TPRG1: variants seen among roughly 807,000 people sequenced by gnomAD.
TPRG1 encodes the protein tumor protein p63-regulated gene 1 protein.
TPRG1 carries 29 observed loss-of-function variants against 29.3 expected under a neutral mutation model. The observed-to-expected ratio is 0.99, with a 90% CI of 0.74 to 1.35. The LOEUF (loss-of-function observed/expected upper bound fraction) is 1.35. TPRG1 is among the 40% of genes most tolerant of loss of function. The pLI is 0.00. For missense variants in TPRG1, 327 were observed against 335.0 expected, an observed-to-expected ratio of 0.98 and a Z score of 0.19; for synonymous variants, 130 against 116.8, an observed-to-expected ratio of 1.11 and a Z score of -0.73.
At chr3:189,021,721 C>T (rs1311700560) in intron 3 of TPRG1, among the ~76,000 whole-genome samples, 1 of 152,064 alleles carries the variant, frequency 6.6e-6, no homozygotes, top group African/African-American at 2.4e-5. Context: ...TGGAGTTGCT[C>T]TTCTCGAGGA....
chr3:189,237,951 C>T (rs944111811), intron 3 of TPRG1, among the ~76,000 whole-genome samples: 9 of 152,140 alleles, frequency 5.9e-5, no homozygotes, highest in African/African-American at 2.2e-4. Flanking sequence ...TGCTGTCGGT[C>T]TGGGGAATTA....
At chr3:189,211,752 C>G (rs964274732) in intron 2 of TPRG1, 1 of 152,180 alleles carries the variant, frequency 6.6e-6, no homozygotes, top group African/African-American at 2.4e-5. Flanking sequence ...CTGGGCCACG[C>G]AAGAACTAGA....
At chr3:189,040,811 A>G (rs1714585349) in intron 4 of TPRG1, among the ~76,000 whole-genome samples, 1 of 152,072 alleles carries the variant, frequency 6.6e-6, no homozygotes, top group South Asian at 2.1e-4. Context: ...GTCCCTAGGG[A>G]CTGAGCCACG....
intron 4 of TPRG1, among the ~76,000 whole-genome samples, chr3:189,286,310 A>G (rs960272686): frequency 1.3e-5 from 2 of 151,894 alleles, no homozygotes; most frequent in Non-Finnish European, 2.9e-5. Context: ...TATTTTTTTT[A>G]TATCATATCC....
At chr3:189,209,509 A>G (rs1734931270) in intron 2 of TPRG1, among the ~76,000 whole-genome samples, 1 of 152,160 alleles carries the variant, frequency 6.6e-6, no homozygotes, top group Non-Finnish European at 1.5e-5. Context: ...GCAAACTCAC[A>G]TCCTTTATCT....
intron 1 of TPRG1, among the ~76,000 whole-genome samples, chr3:189,176,603 T>C (rs1051731757): frequency 6.6e-6 from 1 of 152,230 alleles, no homozygotes; most frequent in Non-Finnish European, 1.5e-5. Context: ...AGCTAGATTT[T>C]GGACAGGGTG....
intron 5 of TPRG1, among the ~76,000 whole-genome samples, chr3:189,164,296 G>A (rs1727869554): frequency 6.6e-6 from 1 of 152,070 alleles, no homozygotes; most frequent in Admixed American, 6.5e-5. Flanking sequence ...CTGAGCAGCT[G>A]GGACTACAGG....
chr3:189,298,088 C>A (rs1056138525), intron 4 of TPRG1, among the ~76,000 whole-genome samples: 2 of 152,150 alleles, frequency 1.3e-5, no homozygotes, highest in African/African-American at 4.8e-5. Context: ...GAAGATAAAT[C>A]AAAAACTTCA....
intron 2 of TPRG1, among the ~76,000 whole-genome samples, chr3:189,131,561 A>G (rs1578464411): frequency 6.6e-6 from 1 of 152,142 alleles, no homozygotes; most frequent in South Asian, 2.1e-4. Flanking sequence ...TTCTGATCAT[A>G]TTTTCTCATT....
At chr3:189,074,304 C>T (rs1048381029) in intron 4 of TPRG1, among the ~76,000 whole-genome samples, 6 of 144,684 alleles carry the variant, frequency 4.1e-5, no homozygotes, top group Non-Finnish European at 8.9e-5. Flanking sequence ...CTCCAGGTTT[C>T]GCGCCATTTT....
intron 4 of TPRG1, among the ~76,000 whole-genome samples, chr3:189,031,786 G>A (rs1026821730): frequency 6.6e-6 from 1 of 152,148 alleles, no homozygotes; most frequent in Non-Finnish European, 1.5e-5. Context: ...GGCAAACAGT[G>A]CATGTAACAT....
At chr3:189,273,328 T>C (rs1576921251) in intron 4 of TPRG1, among the ~76,000 whole-genome samples, 3 of 152,312 alleles carry the variant, frequency 2.0e-5, no homozygotes, top group Admixed American at 2.0e-4. Flanking sequence ...CAAGTGCTGC[T>C]GGAGTTAAAC....
At chr3:189,097,256 C>T (rs1352810781), upstream of TPRG1, among the ~76,000 whole-genome samples, 1 of 152,174 alleles carries the variant, frequency 6.6e-6, no homozygotes, top group East Asian at 1.9e-4. Flanking sequence ...CCTTTTCCAA[C>T]ATTCTAATTT....
At chr3:189,244,332 T>C (rs906237028) in intron 4 of TPRG1, among the ~76,000 whole-genome samples, 1 of 151,958 alleles carries the variant, frequency 6.6e-6, no homozygotes, top group African/African-American at 2.4e-5. Context: ...GACAGGAGAA[T>C]TGCTTGAACC....
chr3:189,128,330 C>T (rs7646244), intron 2 of TPRG1, among the ~76,000 whole-genome samples: 65,652 of 151,856 alleles, frequency 0.43, 19,169 homozygotes, highest in African/African-American at 0.82. Context: ...GAAGAAGACA[C>T]CTTCAAGAAA....
intron 3 of TPRG1, among the ~76,000 whole-genome samples, chr3:189,006,798 T>C (rs185521527): frequency 6.6e-6 from 1 of 152,268 alleles, no homozygotes; most frequent in East Asian, 1.9e-4. Flanking sequence ...TAAGTGTTTG[T>C]TTTTGTAAAT....
chr3:189,229,879 A>G (rs1418384853), intron 3 of TPRG1, among the ~76,000 whole-genome samples: 1 of 152,188 alleles, frequency 6.6e-6, no homozygotes, highest in East Asian at 1.9e-4. Flanking sequence ...TAACGAACAT[A>G]CTACAGTAGG....
intron 3 of TPRG1, among the ~76,000 whole-genome samples, chr3:189,137,717 A>G (rs1460420107): frequency 6.6e-6 from 1 of 152,118 alleles, no homozygotes; most frequent in Non-Finnish European, 1.5e-5. Flanking sequence ...GAAGTTCCGC[A>G]TGTCTACAAC....
chr3:189,147,057 C>T (rs1725358154), intron 3 of TPRG1, among the ~76,000 whole-genome samples: 1 of 152,188 alleles, frequency 6.6e-6, no homozygotes, highest in African/African-American at 2.4e-5. Context: ...GGCTAAGTAA[C>T]TCATCCAAGG....
Sources: gnomAD v4.1 joint callset for allele counts (sites outside exome capture counted in the v4.1 genomes callset) on GRCh38, gnomAD v4.1.1 for gene constraint, MANE v1.5 for transcripts, NCBI Gene and HGNC (gene_info 2026-07-23, HGNC 2026-07-21) for gene names.